The following ULK4 variants were observed in gnomAD, a reference collection of about 807,000 sequenced individuals.
The protein encoded by ULK4 is unc-51 like kinase 4.
Under a neutral mutation model 160.6 loss-of-function variants are expected in ULK4, and 133 were observed. That is an observed-to-expected ratio of 0.83 (90% confidence interval 0.72 to 0.96). ULK4 has a LOEUF of 0.96. Ranked by LOEUF, ULK4 falls within the 40% of genes least tolerant of loss-of-function variation. The pLI is 0.00. For synonymous variants in ULK4, 534 were observed against 539.8 expected (o/e 0.99, Z 0.15); for missense variants, 1,580 against 1,499.5 (o/e 1.05, Z -0.89).
At chr3:41,572,136 C>A (rs183092108) in intron 31 of ULK4, among the ~76,000 whole-genome samples, 1 of 152,224 alleles carries the variant, frequency 6.6e-6, no homozygotes, top group East Asian at 1.9e-4. Context: ...ACTTGCCAAA[C>A]TCTTCATTGG....
chr3:41,652,844 T>G (rs1156597356), intron 30 of ULK4, among the ~76,000 whole-genome samples: 2 of 152,214 alleles, frequency 1.3e-5, no homozygotes, highest in Non-Finnish European at 2.9e-5. Flanking sequence ...GGGACTCTGC[T>G]GAGTAGTACA....
chr3:41,479,541 T>C (rs2084248903), intron 32 of ULK4, among the ~76,000 whole-genome samples: 1 of 152,134 alleles, frequency 6.6e-6, no homozygotes, highest in Admixed American at 6.5e-5. Flanking sequence ...CATCTGGATT[T>C]GGACAGGTAG....
intron 21 of ULK4, among the ~76,000 whole-genome samples, chr3:41,771,110 T>A (rs899898191): frequency 6.6e-6 from 1 of 152,196 alleles, no homozygotes; most frequent in Non-Finnish European, 1.5e-5. Flanking sequence ...ACCATAAGAA[T>A]AGCTCACTCC....
In ULK4 at chr3:41,368,453, TCAC is replaced by T. The variant is rs537164421; in HGVS notation, c.3678+29623_3678+29625del. On this transcript the variant is annotated intron_variant, in intron 35 of 36. Coordinates refer to ENST00000301831, the MANE Select transcript of ULK4 (RefSeq NM_017886.4). Reference sequence around the variant, plus strand: ...AGTATATTCACAGAACGTGCAATCATCACCACAATCAATTTTAGAATACCTTCA... The same window carrying T: ...AGTATATTCACAGAACGTGCAATCATCACAATCAATTTTAGAATACCTTCA... 7.2e-5 allele frequency among the ~76,000 whole-genome samples: 11 copies of T among 152,326 alleles called. No homozygotes were observed. The South Asian group carries it at 1.7e-3, about 23-fold the overall frequency.
intron 32 of ULK4, among the ~76,000 whole-genome samples, chr3:41,510,758 G>A (rs999463409): frequency 1.3e-5 from 2 of 152,104 alleles, no homozygotes; most frequent in Non-Finnish European, 2.9e-5. Context: ...AAATCAAGAT[G>A]GAAATTTAAA....
In ULK4 at chr3:41,300,836, ATTATATATATATATATAT is replaced by A. The variant is rs1218984863; in HGVS notation, c.3679-51280_3679-51263del. ...TGATTAAATTTTGATCATTTTACAG[ATTATATATATATATATAT>A]ATATATATATATATATATATATATA... On this transcript the variant is annotated intron_variant, in intron 35 of 36. Transcript: ENST00000301831. 1.5e-3 allele frequency among the ~76,000 whole-genome samples: 118 copies of A among 79,458 alleles called. 1 individual carries two copies. Among genetic ancestry groups the A allele is most frequent in the Middle Eastern group, 0.012 (2 of 170 alleles). 52.1% of individuals were successfully genotyped at this position (79,458 alleles called of 152,430 possible).
chr3:41,718,276 G>T (rs2037339271), intron 22 of ULK4, among the ~76,000 whole-genome samples: 1 of 152,096 alleles, frequency 6.6e-6, no homozygotes, highest in Admixed American at 6.5e-5. Context: ...AATTTCAATT[G>T]TCTCATCCAA....
chr3:41,299,328 C>CAAGGATGCATGAG (rs1176766541), intron 35 of ULK4, among the ~76,000 whole-genome samples: 1 of 152,162 alleles, frequency 6.6e-6, no homozygotes, highest in Non-Finnish European at 1.5e-5. Flanking sequence ...AGCAGCTGAC[C>CAAGGATGCATGAG]AAGGATGCAT....
At chr3:41,828,386 A>G (rs1159379509) in intron 18 of ULK4, among the ~76,000 whole-genome samples, 4 of 150,222 alleles carry the variant, frequency 2.7e-5, no homozygotes, top group Admixed American at 1.3e-4. Flanking sequence ...ACATGATTGT[A>G]TATCTAGAAA....
At chr3:41,422,732 G>GT (rs1206671547) in intron 34 of ULK4, among the ~76,000 whole-genome samples, 1 of 152,068 alleles carries the variant, frequency 6.6e-6, no homozygotes, top group Non-Finnish European at 1.5e-5. Flanking sequence ...TTTATACACT[G>GT]TTTAATTAGA....
At chr3:41,803,818 T>A (rs2040549237) in intron 19 of ULK4, among the ~76,000 whole-genome samples, 2 of 152,276 alleles carry the variant, frequency 1.3e-5, no homozygotes, top group South Asian at 2.1e-4. Context: ...CATGAACTCA[T>A]CATTTTTTAT....
At chr3:41,721,924 T>C (rs959062892) in intron 22 of ULK4, among the ~76,000 whole-genome samples, 1 of 152,224 alleles carries the variant, frequency 6.6e-6, no homozygotes, top group Non-Finnish European at 1.5e-5. Flanking sequence ...TTACAATTCC[T>C]AGATTCTTTC....
At chr3:41,838,250 T>C (rs1240997247) in intron 17 of ULK4, among the ~76,000 whole-genome samples, 1 of 152,210 alleles carries the variant, frequency 6.6e-6, no homozygotes, top group Non-Finnish European at 1.5e-5. Context: ...GATTTCTTAC[T>C]GCTATTAAGT....
rs1476038725 is a variant in ULK4 at position 41,306,352 on chromosome 3, G to C, written c.3679-56778C>G. Among the ~76,000 whole-genome samples, 24 of 134,506 alleles carry C rather than the reference G, an allele frequency of 1.8e-4. 6 individuals carry two copies. Among genetic ancestry groups the C allele is most frequent in the African/African-American group, 7.9e-4 (23 of 28,948 alleles). The allele number at this position is 134,506 out of a possible 152,430, so 88.2% of individuals were successfully genotyped here. A position where few individuals can be genotyped will look rare whatever the true frequency, so the allele number is the denominator to read the frequency against. Reference sequence around the variant, plus strand: ...GCCCCATCCGGGAGGGAGGTGGGGGGGTCAGCCCCCCGCCCAGCCAGCTGC... The same window carrying C: ...GCCCCATCCGGGAGGGAGGTGGGGGCGTCAGCCCCCCGCCCAGCCAGCTGC... On this transcript the variant is annotated intron_variant, in intron 35 of 36. Coordinates refer to ENST00000301831, the MANE Select transcript of ULK4 (RefSeq NM_017886.4).
In ULK4 at chr3:41,398,319, CA is replaced by C. The variant is rs61656093; in HGVS notation, c.3493-56del. The stretch of plus-strand genomic sequence containing the variant: ...TTTCCTTGAAGACGGTATTAGTACT[CA>C]AAAAAAACACAGTAAAATTTGGCTT... On this transcript the variant is annotated intron_variant, in intron 34 of 36. Transcript: ENST00000301831. 1.0e-4 allele frequency: 156 copies of C among 1,549,408 alleles called. 1 individual carries two copies. In the African/African-American group the frequency reaches 1.6e-3, roughly 16 times the overall value.
intron 22 of ULK4, among the ~76,000 whole-genome samples, chr3:41,731,782 G>C (rs1023969259): frequency 1.3e-5 from 2 of 150,776 alleles, no homozygotes; most frequent in Admixed American, 1.3e-4. Flanking sequence ...CATAAAAACA[G>C]ACACACAGAC....
At chr3:41,750,707 C>T (rs1167849509) in intron 22 of ULK4, among the ~76,000 whole-genome samples, 1 of 151,974 alleles carries the variant, frequency 6.6e-6, no homozygotes, top group African/African-American at 2.4e-5. Context: ...TAAGAAATGC[C>T]TGGTCTGGCC....
intron 34 of ULK4, among the ~76,000 whole-genome samples, chr3:41,405,626 C>A (rs904010886): frequency 1.3e-5 from 2 of 152,144 alleles, no homozygotes; most frequent in African/African-American, 2.4e-5. Context: ...CACAGTCTCA[C>A]CAGCGTCTGT....
At chr3:41,822,617 C>T (rs539529959) in intron 18 of ULK4, among the ~76,000 whole-genome samples, 67 of 150,644 alleles carry the variant, frequency 4.4e-4, no homozygotes, top group African/African-American at 1.6e-3. Context: ...CAGCATTTCG[C>T]CATGTTGGCC....
Sources: gnomAD v4.1 joint callset for allele counts (sites outside exome capture counted in the v4.1 genomes callset) on GRCh38, gnomAD v4.1.1 for gene constraint, MANE v1.5 for transcripts, NCBI Gene and HGNC (gene_info 2026-07-23, HGNC 2026-07-21) for gene names.